HDAC4: variants seen among roughly 807,000 people sequenced by gnomAD.
HDAC4 encodes histone deacetylase A.
A neutral mutation model predicts 135.1 loss-of-function variants in HDAC4; 16 were observed. That is an observed-to-expected ratio of 0.12 (90% CI 0.08 to 0.18). HDAC4 has a LOEUF of 0.18. Among genes scored for constraint, HDAC4 ranks in the 10% least tolerant of loss-of-function variants. The pLI, the probability that HDAC4 is intolerant of heterozygous loss-of-function variation, is 1.00. For missense variants in HDAC4, 1,143 were observed against 1,511.8 expected (o/e 0.76, Z 4.05); for synonymous variants, 685 against 653.4 (o/e 1.05, Z -0.74).
intron 15 of HDAC4, among the ~76,000 whole-genome samples, chr2:239,103,582 AG>A (rs1294115447): frequency 6.6e-6 from 1 of 152,272 alleles, no homozygotes; most frequent in East Asian, 1.9e-4. Flanking sequence ...TCAGAGGGTT[AG>A]GCCACCACAG....
intron 3 of HDAC4, among the ~76,000 whole-genome samples, chr2:239,220,807 C>G (rs991672855): frequency 4.6e-5 from 7 of 152,178 alleles, no homozygotes; most frequent in African/African-American, 1.7e-4. Context: ...TTAAAGGTTT[C>G]TCACACTAAT....
chr2:239,177,760 C>A (rs489806), intron 4 of HDAC4, among the ~76,000 whole-genome samples: 81,026 of 152,088 alleles, frequency 0.53, 22,193 homozygotes, highest in South Asian at 0.72. Flanking sequence ...ACATGACAGG[C>A]AGCCCACTAA....
chr2:239,190,168 ACGGGG>A, intron 3 of HDAC4, 91 bp from the exon 4 acceptor site: 1 of 828,356 alleles, frequency 1.2e-6, no homozygotes, highest in Non-Finnish European at 1.7e-6. Context: ...GGCCACCTTC[ACGGGG>A]CGGGGGGGGG....
At chr2:239,235,623 A>G (rs2047843861) in intron 3 of HDAC4, among the ~76,000 whole-genome samples, 1 of 152,240 alleles carries the variant, frequency 6.6e-6, no homozygotes, top group African/African-American at 2.4e-5. Flanking sequence ...CATGGCTGGG[A>G]AGAATGGTAC....
At chr2:239,264,181 G>A (rs976798706) in intron 2 of HDAC4, among the ~76,000 whole-genome samples, 12 of 152,196 alleles carry the variant, frequency 7.9e-5, no homozygotes, top group East Asian at 3.9e-4. Context: ...CCCAGACACC[G>A]GAGTTCCTGC....
intron 3 of HDAC4, among the ~76,000 whole-genome samples, chr2:239,196,547 G>A (rs2045394862): frequency 6.6e-6 from 1 of 152,216 alleles, no homozygotes; most frequent in South Asian, 2.1e-4. Context: ...TCCCGGGACA[G>A]GACAGTCTCG....
At chr2:239,252,634 T>C (rs1211271873) in intron 2 of HDAC4, among the ~76,000 whole-genome samples, 1 of 152,176 alleles carries the variant, frequency 6.6e-6, no homozygotes, top group Admixed American at 6.5e-5. Flanking sequence ...GGGAAGATGG[T>C]CTGTGCCCGC....
chr2:239,066,317 A>C (rs1298463064), intron 24 of HDAC4, among the ~76,000 whole-genome samples: 1 of 152,180 alleles, frequency 6.6e-6, no homozygotes, highest in Non-Finnish European at 1.5e-5. Flanking sequence ...CCTTGGGGCC[A>C]CTGACCGAAA....
intron 9 of HDAC4, among the ~76,000 whole-genome samples, chr2:239,135,028 C>A (rs535041895): frequency 1.4e-4 from 21 of 152,312 alleles, no homozygotes; most frequent in Non-Finnish European, 2.9e-4. Context: ...TTGGCAATGT[C>A]TTTCCAGACA....
In HDAC4 at chr2:239,240,363, G is replaced by GT; in HGVS notation, c.23-3700dup. Among the ~76,000 whole-genome samples, 1 of 152,330 alleles carries GT rather than the reference G, an allele frequency of 6.6e-6. No individual in the cohort carries two copies. The highest frequency in any genetic ancestry group is 6.5e-5 in the Admixed American group (1 of 15,312). ...GCACAGAATAGATTCTTAACGCTGT[G>GT]TTTTTTCAGATATCATATTCCAGAG... On this transcript the variant is annotated intron_variant, in intron 2 of 26. Coordinates refer to ENST00000543185, the MANE Select transcript of HDAC4 (RefSeq NM_001378414.1). This position sits in a 1 kb window ranked among gnomAD's most constrained non-coding sequence, Gnocchi z 4.5.
chr2:239,309,867 A>T lies in HDAC4; in HGVS notation c.22+42811T>A, dbSNP rs2125699299. ...AGCAGGGAGGCCAGCAGCCCCTAGC[A>T]GAAGGGTGTTCTGGAAGCTGCCCCC... On this transcript the variant is annotated intron_variant, in intron 2 of 26. Coordinates refer to ENST00000543185, the MANE Select transcript of HDAC4 (RefSeq NM_001378414.1). This position sits in a 1 kb window ranked among gnomAD's most constrained non-coding sequence, Gnocchi z 4.2. 6.6e-6 allele frequency among the ~76,000 whole-genome samples: 1 copy of T among 152,366 alleles called. No homozygotes were observed. Among genetic ancestry groups the T allele is most frequent in the South Asian group, 2.1e-4 (1 of 4,828 alleles).
chr2:239,133,649 T>C (rs557123917), intron 11 of HDAC4, among the ~76,000 whole-genome samples: 1 of 152,258 alleles, frequency 6.6e-6, no homozygotes, highest in South Asian at 2.1e-4. Flanking sequence ...GTATTTTTAG[T>C]AGAGACGGGG....
At chr2:239,325,858 G>A (rs962010247) in intron 2 of HDAC4, among the ~76,000 whole-genome samples, 3 of 152,044 alleles carry the variant, frequency 2.0e-5, no homozygotes, top group African/African-American at 4.8e-5. Context: ...CCAGCTACTC[G>A]GGAGGCTGAA....
chr2:239,365,847 GATCAGGGTC>G (rs1282879331), intron 1 of HDAC4, among the ~76,000 whole-genome samples: 1 of 149,600 alleles, frequency 6.7e-6, no homozygotes, highest in Non-Finnish European at 1.5e-5. Context: ...CGCATGCACA[GATCAGGGTC>G]ATCAGGGTCA....
intron 11 of HDAC4, among the ~76,000 whole-genome samples, chr2:239,129,029 T>C (rs1235577927): frequency 1.3e-5 from 2 of 152,178 alleles, no homozygotes; most frequent in Non-Finnish European, 2.9e-5. Context: ...CTACGCCCCA[T>C]TGGAACAGGG....
chr2:239,385,410 C>T (rs1362467404), intron 1 of HDAC4, among the ~76,000 whole-genome samples: 5 of 152,240 alleles, frequency 3.3e-5, no homozygotes, highest in African/African-American at 9.6e-5. Flanking sequence ...TCCTGGCCCA[C>T]GACTCTGCCC....
chr2:239,072,554 G>A (rs2034308957), intron 22 of HDAC4, among the ~76,000 whole-genome samples: 1 of 152,202 alleles, frequency 6.6e-6, no homozygotes, highest in Admixed American at 6.5e-5. Context: ...ATCACCCGAT[G>A]GGCGCCTCCC....
chr2:239,179,591 G>C (rs1055977959), intron 4 of HDAC4, among the ~76,000 whole-genome samples: 1 of 152,170 alleles, frequency 6.6e-6, no homozygotes, highest in Admixed American at 6.5e-5. Flanking sequence ...CCACGAAACC[G>C]GTCCCTGGTG....
Position 239,054,664 on chromosome 2 carries a change from G to C in HDAC4, c.3088+85C>G, listed in dbSNP as rs946175085. 8.0e-6 allele frequency: 7 copies of C among 871,418 alleles called. No homozygotes were observed. The African/African-American group carries it at 1.2e-4, about 14-fold the overall frequency. The allele number at this position is 871,418 out of a possible 1,614,324, so 54.0% of individuals were successfully genotyped here. The stretch of plus-strand genomic sequence containing the variant: ...CCGGCAGTGGGATGGAGAAGAGCTG[G>C]GGGTATAGGGGGACAGGGATGGGGT... On this transcript the variant is annotated intron_variant, in intron 25 of 26. Coordinates refer to ENST00000543185, the MANE Select transcript of HDAC4 (RefSeq NM_001378414.1).
Sources: allele counts gnomAD v4.1 joint callset (sites outside exome capture counted in the v4.1 genomes callset), GRCh38; gene constraint gnomAD v4.1.1; non-coding constraint Gnocchi (gnomAD v3.1); transcripts MANE v1.5; gene names NCBI Gene and HGNC (gene_info 2026-07-23, HGNC 2026-07-21).